Variants in PDGFRL observed in about 807,000 individuals in gnomAD.
PDGFRL encodes platelet-derived growth factor receptor-like protein.
A neutral mutation model predicts 37.2 loss-of-function variants in PDGFRL; 46 were observed. The observed-to-expected ratio is 1.24, with a 90% CI of 0.98 to 1.58. The LOEUF is 1.58. PDGFRL is among the 40% of genes most tolerant of loss of function. The pLI, the probability that PDGFRL is intolerant of heterozygous loss-of-function variation, is 0.00. For synonymous variants in PDGFRL, 251 were observed against 184.3 expected (o/e 1.36, Z -2.93); for missense variants, 692 against 467.6 (o/e 1.48, Z -4.43).
At chr8:17,589,093 G>A (rs546996929) in intron 1 of PDGFRL, among the ~76,000 whole-genome samples, 77 of 151,916 alleles carry the variant, frequency 5.1e-4, no homozygotes, top group African/African-American at 1.5e-3. Flanking sequence ...TAAAAGCTAT[G>A]AGGGCTGGGC....
At chr8:17,598,783 G>A (rs1350902530) in intron 2 of PDGFRL, among the ~76,000 whole-genome samples, 1 of 152,072 alleles carries the variant, frequency 6.6e-6, no homozygotes, top group African/African-American at 2.4e-5. Flanking sequence ...TGAATCATAA[G>A]GGCAGTTCCC....
In PDGFRL at chr8:17,587,649, C is replaced by A. The variant is rs546788316; in HGVS notation, c.56-1819C>A. 9.2e-5 allele frequency among the ~76,000 whole-genome samples: 14 copies of A among 152,052 alleles called. No individual in the cohort carries two copies. In the South Asian group the frequency reaches 1.7e-3, roughly 18 times the overall value. On this transcript the variant is annotated intron_variant, in intron 1 of 5. Transcript: ENST00000251630. Reference sequence around the variant, plus strand: ...AACTCGGACTTGTGGGCTCAAGTCTCGGTCTCAGTCTCAGTCTCCAGGCAT... The same window carrying A: ...AACTCGGACTTGTGGGCTCAAGTCTAGGTCTCAGTCTCAGTCTCCAGGCAT...
intron 2 of PDGFRL, among the ~76,000 whole-genome samples, chr8:17,615,956 T>C (rs1378406565): frequency 6.6e-6 from 1 of 152,214 alleles, no homozygotes; most frequent in Admixed American, 6.5e-5. Flanking sequence ...TGGCAGATGC[T>C]GTTCTAAGTC....
chr8:17,637,258 C>T (rs951499708), intron 5 of PDGFRL, among the ~76,000 whole-genome samples: 3 of 152,086 alleles, frequency 2.0e-5, no homozygotes, highest in African/African-American at 7.2e-5. Context: ...TATGTCCCTT[C>T]TATGCCAATT....
intron 2 of PDGFRL, among the ~76,000 whole-genome samples, chr8:17,609,507 G>A (rs552863368): frequency 2.7e-5 from 4 of 150,796 alleles, no homozygotes; most frequent in Admixed American, 6.6e-5. Flanking sequence ...GTGTGGTGGC[G>A]TGCACCTGTA....
intron 2 of PDGFRL, among the ~76,000 whole-genome samples, chr8:17,595,865 T>C (rs566109314): frequency 1.3e-5 from 2 of 152,250 alleles, no homozygotes; most frequent in South Asian, 4.2e-4. Flanking sequence ...CCTGTACAAC[T>C]CGAGGGGCCT....
chr8:17,586,688 C>G (rs905418414), intron 1 of PDGFRL, among the ~76,000 whole-genome samples: 2 of 152,158 alleles, frequency 1.3e-5, no homozygotes, highest in Non-Finnish European at 2.9e-5. Flanking sequence ...TACTGTAGGT[C>G]AGATGCTAAT....
intron 5 of PDGFRL, among the ~76,000 whole-genome samples, chr8:17,641,373 C>A (rs1805089405): frequency 6.6e-6 from 1 of 152,190 alleles, no homozygotes; most frequent in Non-Finnish European, 1.5e-5. Flanking sequence ...GTGGTCTTTT[C>A]CCAGTTTCTC....
chr8:17,633,730 C>G (rs767918853), intron 4 of PDGFRL, among the ~76,000 whole-genome samples: 18 of 152,280 alleles, frequency 1.2e-4, no homozygotes, highest in Admixed American at 7.8e-4. Flanking sequence ...CACCACCACC[C>G]AGTACTTCCT....
At chr8:17,608,462 A>G (rs73666196) in intron 2 of PDGFRL, among the ~76,000 whole-genome samples, 3,554 of 152,284 alleles carry the variant, frequency 0.023, 100 homozygotes, top group South Asian at 0.11. Flanking sequence ...TGGCTCGTGC[A>G]TTGGCACAAT....
At chr8:17,630,217 G>A (rs970295516) in intron 4 of PDGFRL, among the ~76,000 whole-genome samples, 5 of 152,214 alleles carry the variant, frequency 3.3e-5, no homozygotes, top group East Asian at 1.9e-4. Context: ...TCAAATTCCC[G>A]CCTCATTCTC....
chr8:17,621,150 C>T lies in PDGFRL; in HGVS notation c.453C>T (p.Tyr151=). 1.2e-6 allele frequency: 2 copies of T among 1,612,020 alleles called. No individual in the cohort carries two copies. The highest frequency in any genetic ancestry group is 2.2e-5 in the East Asian group (1 of 44,820). ...FSCWVQLCSG[Y]ICRKDEAKTG... ...GCTGGGTGCAGCTCTGCAGCGGCTA[C>T]ATCTGCAGGAAGGACGAGGCCAAAA... The change falls in exon 3 of 6, where the codon TAC becomes TAT. Residue 151 remains tyrosine (Y), a synonymous_variant. Transcript: ENST00000251630.
At chr8:17,604,160 T>G (rs1804224603) in intron 2 of PDGFRL, among the ~76,000 whole-genome samples, 1 of 152,186 alleles carries the variant, frequency 6.6e-6, no homozygotes, top group African/African-American at 2.4e-5. Flanking sequence ...GTTCAACCAT[T>G]GTGGAAGTCA....
intron 2 of PDGFRL, among the ~76,000 whole-genome samples, chr8:17,599,022 G>T (rs990728197): frequency 2.0e-5 from 3 of 152,164 alleles, no homozygotes; most frequent in Non-Finnish European, 4.4e-5. Flanking sequence ...AGCAATGTGA[G>T]AACAGACTAA....
chr8:17,609,527 A>C (rs1244487705), intron 2 of PDGFRL, among the ~76,000 whole-genome samples: 2 of 150,358 alleles, frequency 1.3e-5, no homozygotes, highest in Non-Finnish European at 1.5e-5. Flanking sequence ...AATCCTAGCT[A>C]CTCAGGAGGC....
In PDGFRL at chr8:17,641,896, T is replaced by TCCCCCCCCCCCCC. The variant is rs144394170; in HGVS notation, c.940-713_940-712insCCCCCCCCCCCCC. On this transcript the variant is annotated intron_variant, in intron 5 of 5. Coordinates refer to ENST00000251630, the MANE Select transcript of PDGFRL (RefSeq NM_001372073.1). ...GGACATTGATGATTTTCAATAGAGG[T>TCCCCCCCCCCCCC]CCCCGCCACATTGCTATTTGGTATT... is the stretch of plus-strand genomic sequence containing the variant. Among the ~76,000 whole-genome samples, 2 of 103,888 alleles carry TCCCCCCCCCCCCC rather than the reference T, an allele frequency of 1.9e-5. 1 individual carries two copies. Among genetic ancestry groups the TCCCCCCCCCCCCC allele is most frequent in the Non-Finnish European group, 3.6e-5 (2 of 55,146 alleles). 68.2% of individuals were successfully genotyped at this position (103,888 alleles called of 152,430 possible).
chr8:17,586,512 A>G (rs1255222570), intron 1 of PDGFRL, among the ~76,000 whole-genome samples: 1 of 152,200 alleles, frequency 6.6e-6, no homozygotes, highest in Admixed American at 6.5e-5. Context: ...CTAGACTTGG[A>G]GTCAGAGGGT....
At chr8:17,622,964 C>T (rs926808086) in intron 3 of PDGFRL, among the ~76,000 whole-genome samples, 13 of 152,148 alleles carry the variant, frequency 8.5e-5, no homozygotes, top group Non-Finnish European at 1.8e-4. Context: ...TTAGGCAAGA[C>T]CCCTGTGCAC....
intron 2 of PDGFRL, among the ~76,000 whole-genome samples, chr8:17,593,453 C>G (rs1168356807): frequency 1.4e-5 from 2 of 147,282 alleles, no homozygotes; most frequent in African/African-American, 2.5e-5. Context: ...AAAAATTTAA[C>G]CTGGCTTTGT....
Sources: allele counts gnomAD v4.1 joint callset (sites outside exome capture counted in the v4.1 genomes callset), GRCh38; gene constraint gnomAD v4.1.1; transcripts MANE v1.5; gene names NCBI Gene and HGNC (gene_info 2026-07-23, HGNC 2026-07-21).